LRIF1: variants seen among roughly 807,000 people sequenced by gnomAD.
LRIF1 encodes the protein ligand dependent nuclear receptor interacting factor 1, also known as ligand-dependent nuclear receptor-interacting factor 1.
LRIF1 carries 32 observed loss-of-function variants against 52.7 expected under a neutral mutation model. The observed-to-expected ratio is 0.61, with a 90% CI of 0.46 to 0.82. LRIF1 has a LOEUF of 0.82. Ranked by LOEUF, LRIF1 falls within the 40% of genes least tolerant of loss-of-function variation. The pLI is 0.00. For missense variants in LRIF1, 887 were observed against 892.0 expected (o/e 0.99, Z 0.07); for synonymous variants, 323 against 317.4 (o/e 1.02, Z -0.19).
intron 1 of LRIF1, among the ~76,000 whole-genome samples, chr1:110,953,889 A>G (rs1658587505): frequency 6.6e-6 from 1 of 152,136 alleles, no homozygotes; most frequent in Non-Finnish European, 1.5e-5. Flanking sequence ...TAATTAATCC[A>G]TAACATTATG....
chr1:110,958,739 G>T (rs1658823189), intron 1 of LRIF1, among the ~76,000 whole-genome samples: 1 of 152,098 alleles, frequency 6.6e-6, no homozygotes, highest in Non-Finnish European at 1.5e-5. Flanking sequence ...ATCTACCACA[G>T]ACCATAAATT....
At chr1:110,892,634 C>A in the LRIF1 span, 13 of 985,482 alleles carry the variant, frequency 1.3e-5, no homozygotes, top group Middle Eastern at 3.3e-4. Flanking sequence ...ACAGAAAGAT[C>A]ATAGGAAAAT....
At chr1:110,948,727 A>G (rs1265845796) in intron 3 of LRIF1, among the ~76,000 whole-genome samples, 1 of 152,182 alleles carries the variant, frequency 6.6e-6, no homozygotes, top group Admixed American at 6.5e-5. Flanking sequence ...TTTCCTTTGC[A>G]CAGCAGGCAC....
chr1:110,919,578 C>T, the LRIF1 span, among the ~76,000 whole-genome samples: 48 of 152,202 alleles, frequency 3.2e-4, no homozygotes, highest in Non-Finnish European at 5.9e-4. Context: ...GGAACCCTAA[C>T]TAATACAACC....
chr1:110,923,472 A>C, the LRIF1 span, among the ~76,000 whole-genome samples: 1 of 152,206 alleles, frequency 6.6e-6, no homozygotes, highest in South Asian at 2.1e-4. Context: ...TGCAAGGGTC[A>C]TAAATCAAGT....
chr1:110,900,444 G>A, the LRIF1 span, among the ~76,000 whole-genome samples: 1 of 152,156 alleles, frequency 6.6e-6, no homozygotes, highest in African/African-American at 2.4e-5. Context: ...TCGGCTCACT[G>A]CAACCTCTGC....
chr1:110,931,250 T>C, the LRIF1 span, among the ~76,000 whole-genome samples: 2 of 152,274 alleles, frequency 1.3e-5, no homozygotes, highest in Non-Finnish European at 2.9e-5. Context: ...TTTTCTCTCC[T>C]TGTGACAGTT....
the LRIF1 span, among the ~76,000 whole-genome samples, chr1:110,928,916 A>C: frequency 6.6e-6 from 1 of 152,198 alleles, no homozygotes; most frequent in Non-Finnish European, 1.5e-5. Flanking sequence ...GTGAGATAAA[A>C]CATCACTAGA....
intron 2 of LRIF1, among the ~76,000 whole-genome samples, chr1:110,950,400 GACA>G (rs1456456243): frequency 6.6e-6 from 1 of 152,126 alleles, no homozygotes; most frequent in African/African-American, 2.4e-5. Context: ...ACAGACTAAT[GACA>G]ACGTTAAAAT....
intron 1 of LRIF1, among the ~76,000 whole-genome samples, chr1:110,960,055 TGATA>T (rs1375520411): frequency 6.6e-6 from 1 of 152,182 alleles, no homozygotes; most frequent in African/African-American, 2.4e-5. Context: ...ATTGCGTACA[TGATA>T]GATATACCAG....
the LRIF1 span, among the ~76,000 whole-genome samples, chr1:110,915,439 G>A: frequency 2.6e-5 from 4 of 152,182 alleles, no homozygotes; most frequent in African/African-American, 9.7e-5. Context: ...AGTGAGCCGA[G>A]ATAGCGCCAA....
In LRIF1 at chr1:110,951,969, A is replaced by T; in HGVS notation, c.915T>A (p.Val305=). The T allele has an allele frequency of 6.2e-7, 1 of 1,614,188 alleles. No individual in the cohort carries two copies. The highest frequency in any genetic ancestry group is 8.5e-7 in the Non-Finnish European group (1 of 1,180,020). ...DNLQPFTPSL[V]PVKSSNNVAS... ...CCACATTATTTGAAGACTTAACAGG[A>T]ACAAGAGATGGCGTAAAAGGCTGTA... The change falls in exon 2 of 4, where the codon GTT becomes GTA. Residue 305 remains valine, a synonymous_variant. Coordinates refer to ENST00000369763, the MANE Select transcript of LRIF1 (RefSeq NM_018372.4).
the LRIF1 span, among the ~76,000 whole-genome samples, chr1:110,898,745 T>A: frequency 6.6e-6 from 1 of 152,108 alleles, no homozygotes; most frequent in Non-Finnish European, 1.5e-5. Context: ...TAAAACTCAA[T>A]CAGGAAGCTC....
At chr1:110,932,043 C>G in the LRIF1 span, among the ~76,000 whole-genome samples, 1 of 152,132 alleles carries the variant, frequency 6.6e-6, no homozygotes, top group Non-Finnish European at 1.5e-5. Context: ...GTGTTTTAGT[C>G]ATGAAGTCTT....
chr1:110,894,918 T>C, the LRIF1 span: 7 of 1,490,136 alleles, frequency 4.7e-6, no homozygotes, highest in Non-Finnish European at 6.6e-6. Flanking sequence ...TGAACTCACC[T>C]GCTTTTTACC....
the LRIF1 span, among the ~76,000 whole-genome samples, chr1:110,901,142 C>G: frequency 6.9e-5 from 9 of 130,382 alleles, no homozygotes; most frequent in Admixed American, 2.6e-4. Flanking sequence ...GAGACATTCT[C>G]TCTCTCTGTT....
the LRIF1 span, among the ~76,000 whole-genome samples, chr1:110,933,146 G>A: frequency 6.6e-6 from 1 of 152,068 alleles, no homozygotes; most frequent in South Asian, 2.1e-4. Flanking sequence ...ATTACCTTCT[G>A]ACATCACAAG....
chr1:110,933,279 C>T, the LRIF1 span, among the ~76,000 whole-genome samples: 2 of 152,144 alleles, frequency 1.3e-5, no homozygotes, highest in African/African-American at 4.8e-5. Context: ...AGCAAGATGG[C>T]AGAATAGACG....
At chr1:110,895,581 T>C in the LRIF1 span, among the ~76,000 whole-genome samples, 2 of 152,196 alleles carry the variant, frequency 1.3e-5, no homozygotes, top group Non-Finnish European at 2.9e-5. Context: ...CTCGAAACAG[T>C]ACCACTATGA....
Sources: allele counts gnomAD v4.1 joint callset (sites outside exome capture counted in the v4.1 genomes callset), GRCh38; gene constraint gnomAD v4.1.1; transcripts MANE v1.5; gene names NCBI Gene and HGNC (gene_info 2026-07-23, HGNC 2026-07-21).